Variants in RESP18 observed in about 807,000 individuals in gnomAD.
RESP18 encodes regulated endocrine specific protein 18, also known as regulated endocrine-specific protein 18.
RESP18 carries 30 observed loss-of-function variants against 30.0 expected under a neutral mutation model. The observed-to-expected ratio is 1.00, with a 90% CI of 0.75 to 1.36. The LOEUF is 1.36. RESP18 is among the 40% of genes most tolerant of loss of function. The pLI, the probability that RESP18 is intolerant of heterozygous loss-of-function variation, is 0.00. For missense variants in RESP18, 320 were observed against 284.2 expected (o/e 1.13, Z -0.91); for synonymous variants, 117 against 111.2 (o/e 1.05, Z -0.33).
chr2:219,331,335 A>G (rs1221401272), intron 2 of RESP18, among the ~76,000 whole-genome samples: 1 of 151,990 alleles, frequency 6.6e-6, no homozygotes, highest in African/African-American at 2.4e-5. Context: ...TGAAGCCCAC[A>G]GTTTGCCCAA....
chr2:219,328,933 TATAG>T lies in RESP18; in HGVS notation c.627_630del (p.Tyr210ArgfsTer20), dbSNP rs570027962. On this transcript the variant is annotated frameshift_variant, in exon 6 of 7. Transcript: ENST00000333527. LOFTEE classifies it high-confidence loss of function. ...TAAACTCAATACTTACGCATGATCT[TATAG>T]ATAATTTCTTCCTTAGAGGGTCCCG... The T allele has an allele frequency of 1.0e-4, 155 of 1,548,848 alleles. No homozygotes were observed. In the East Asian group the frequency reaches 1.8e-3, roughly 18 times the overall value.
At chr2:219,333,099 CTATA>C (rs5838736) in intron 1 of RESP18, 119 of 1,144,300 alleles carry the variant, frequency 1.0e-4, no homozygotes, top group East Asian at 1.0e-3. Context: ...GTTCGATCTG[CTATA>C]TATATATATA....
rs140469663 is a variant in RESP18, at chr2:219,330,522, C to T, written c.337+249G>A. 1.3e-3 allele frequency among the ~76,000 whole-genome samples: 191 copies of T among 144,020 alleles called. 2 individuals are homozygous for T. Among genetic ancestry groups the T allele is most frequent in the African/African-American group, 5.3e-3 (182 of 34,498 alleles). 94.5% of individuals were successfully genotyped at this position (144,020 alleles called of 152,430 possible). Reference sequence around the variant, plus strand: ...TAGTCTCAAGGAGTTGGATGCTGGCCGTTTTCAGTTTTGTTTTTTTTTTTC... The same window carrying T: ...TAGTCTCAAGGAGTTGGATGCTGGCTGTTTTCAGTTTTGTTTTTTTTTTTC... On this transcript the variant is annotated intron_variant, in intron 3 of 6. Coordinates refer to ENST00000333527, the MANE Select transcript of RESP18 (RefSeq NM_001007089.4).
Position 219,327,527 on chromosome 2 carries a change from G to T in RESP18, c.677C>A (p.Pro226His). Residue 226 changes from proline to histidine, a missense_variant, in exon 7 of 7, where the codon CCC (proline) becomes CAC (histidine). Physicochemically the swap from Pro to His is moderately conservative, Grantham distance 77 (BLOSUM62 -2). Coordinates refer to ENST00000333527, the MANE Select transcript of RESP18 (RefSeq NM_001007089.4). Reference sequence around the variant, plus strand: ...CACATGAGGTCTCAATCAGCCACAGGGTTGCGGCCCACAGTAGGAAGTGGC... The same window carrying T: ...CACATGAGGTCTCAATCAGCCACAGTGTTGCGGCCCACAGTAGGAAGTGGC... 1 of 1,551,600 alleles carries T rather than the reference G, an allele frequency of 6.4e-7. No individual in the cohort carries two copies. Among genetic ancestry groups the T allele is most frequent in the Non-Finnish European group, 8.7e-7 (1 of 1,146,932 alleles).
At chr2:219,330,698 G>T in intron 3 of RESP18, 73 bp downstream of exon 2, 2 of 923,706 alleles carry the variant, frequency 2.2e-6, no homozygotes, top group Non-Finnish European at 3.3e-6. Context: ...CCTACCCTCA[G>T]GTCGGATAGC....
rs1189320083 is a variant in RESP18 at position 219,329,639 on chromosome 2, CAG to C, written c.461_462del (p.Thr154ArgfsTer20). 7 of 1,551,512 alleles carry C rather than the reference CAG, an allele frequency of 4.5e-6. No homozygotes were observed. The highest frequency in any genetic ancestry group is 2.4e-5 in the East Asian group (1 of 40,922). ...ACCACAGGCCTCATGCACCTCACCTCAGTGGTTTTAGTGGGGAAAAGTGCCTT... is the reference window on the plus strand; with the variant it reads ...ACCACAGGCCTCATGCACCTCACCTCTGGTTTTAGTGGGGAAAAGTGCCTT... On this transcript the variant is annotated frameshift_variant, in exon 4 of 7. Transcript: ENST00000333527. LOFTEE classifies it high-confidence loss of function.
chr2:219,329,172 G>C lies in RESP18; in HGVS notation c.546C>G (p.Asn182Lys), dbSNP rs1246383615. The change falls in exon 5 of 7, where the codon AAC becomes AAG. Residue 182 changes from asparagine (N) to lysine (K), a missense_variant. Coordinates refer to ENST00000333527, the MANE Select transcript of RESP18 (RefSeq NM_001007089.4). Reference sequence around the variant, plus strand: ...AAAGTGAGCCCCTCACCTTGACAGGGTTGGCCACCTCTTGTTTCAGGGCCT... The same window carrying C: ...AAAGTGAGCCCCTCACCTTGACAGGCTTGGCCACCTCTTGTTTCAGGGCCT... 3 of 1,551,390 alleles carry C rather than the reference G, an allele frequency of 1.9e-6. No individual in the cohort carries two copies. Among genetic ancestry groups the C allele is most frequent in the Non-Finnish European group, 2.6e-6 (3 of 1,146,844 alleles).
At chr2:219,332,460 C>CA in intron 2 of RESP18, 64 bp downstream of exon 1, 1 of 1,280,330 alleles carries the variant, frequency 7.8e-7, no homozygotes, top group Non-Finnish European at 1.1e-6. Flanking sequence ...AGGCCCCCTG[C>CA]AGACCCCCAC....
At chr2:219,331,714 C>T (rs1245180443) in intron 2 of RESP18, among the ~76,000 whole-genome samples, 1 of 152,162 alleles carries the variant, frequency 6.6e-6, no homozygotes, top group Non-Finnish European at 1.5e-5. Flanking sequence ...GTGACCCGCT[C>T]GGGCTCGGCG....
rs1182530400 is a variant in RESP18, at chr2:219,327,567, A to C, written c.641-4T>G. On this transcript the variant is annotated splice_polypyrimidine_tract_variant and splice_region_variant and intron_variant, in intron 6 of 6. Transcript: ENST00000333527. ...TAGGAAGTGGCCCAGAGAAGCCCTAAAACAAGAAGAAACAAGGGAGCTAGA... is the reference window on the plus strand; with the variant it reads ...TAGGAAGTGGCCCAGAGAAGCCCTACAACAAGAAGAAACAAGGGAGCTAGA... 1 of 1,551,290 alleles carries C rather than the reference A, an allele frequency of 6.4e-7. No homozygotes were observed. Among genetic ancestry groups the C allele is most frequent in the Non-Finnish European group, 8.7e-7 (1 of 1,146,704 alleles).
chr2:219,328,104 CT>C (rs1952791957), intron 6 of RESP18, among the ~76,000 whole-genome samples: 1 of 152,252 alleles, frequency 6.6e-6, no homozygotes, highest in Admixed American at 6.5e-5. Context: ...TCAGTTTTCA[CT>C]TTTGCTCTCC....
intron 2 of RESP18, chr2:219,331,150 G>A (rs968529273): frequency 6.0e-6 from 2 of 331,506 alleles, no homozygotes; most frequent in African/African-American, 4.3e-5. Context: ...GATGCGCAGA[G>A]GCTCAGAAAG....
chr2:219,332,131 G>A (rs1952837824), intron 2 of RESP18, among the ~76,000 whole-genome samples: 1 of 152,140 alleles, frequency 6.6e-6, no homozygotes, highest in Admixed American at 6.5e-5. Flanking sequence ...ATCACAGCAC[G>A]AGGAAGCCCT....
chr2:219,333,100 T>C, intron 1 of RESP18: 2 of 708,730 alleles, frequency 2.8e-6, no homozygotes, highest in East Asian at 1.5e-4. Context: ...TTCGATCTGC[T>C]ATATATATAT....
At chr2:219,328,595 C>G (rs1952796949) in intron 6 of RESP18, among the ~76,000 whole-genome samples, 1 of 152,184 alleles carries the variant, frequency 6.6e-6, no homozygotes, top group African/African-American at 2.4e-5. Context: ...GCCACAAACC[C>G]ATGGTGTTGC....
At chr2:219,333,093 G>T in intron 1 of RESP18, 1 of 1,214,258 alleles carries the variant, frequency 8.2e-7, no homozygotes, top group South Asian at 2.0e-5. Flanking sequence ...ATATAGGTTC[G>T]ATCTGCTATA....
Position 219,327,498 on chromosome 2 carries a change from G to C in RESP18, c.*19C>G. On this transcript the variant is annotated 3_prime_UTR_variant, in exon 7 of 7. Coordinates refer to ENST00000333527, the MANE Select transcript of RESP18 (RefSeq NM_001007089.4). ...ATGGGAAGGGTGCTGGGGCAGGGAG[G>C]CTTCACATGAGGTCTCAATCAGCCA... 6.4e-7 allele frequency: 1 copy of C among 1,550,548 alleles called. No homozygotes were observed. Among genetic ancestry groups the C allele is most frequent in the Non-Finnish European group, 8.7e-7 (1 of 1,145,988 alleles).
At position 219,332,645 on chromosome 2, in the gene RESP18, G is replaced by A. The variant is rs1465340708; in HGVS notation, c.111C>T (p.Arg37=). The A allele has an allele frequency of 6.4e-6, 10 of 1,551,224 alleles. No individual in the cohort carries two copies. Among genetic ancestry groups the A allele is most frequent in the African/African-American group, 4.1e-5 (3 of 73,028 alleles). ...GGTGCTGTATCCTCCCAGGCTCGGC[G>A]CGCTCACTCCCCGGCCAAGTCTCAG... Residue 37 remains arginine, a synonymous_variant, in exon 2 of 7, where the codon CGC becomes CGT. Transcript: ENST00000333527.
At position 219,328,984 on chromosome 2, in the gene RESP18, C is replaced by T. The variant is rs1014650014; in HGVS notation, c.580G>A (p.Gly194Arg). 6.4e-7 allele frequency: 1 copy of T among 1,551,222 alleles called. No homozygotes were observed. Reference sequence around the variant, plus strand: ...CCCGGCGCCTGCATCATGTCCAGCCCCCCATATGAACACCTATAGGTAATC... The same window carrying T: ...CCCGGCGCCTGCATCATGTCCAGCCTCCCATATGAACACCTATAGGTAATC... The change falls in exon 6 of 7, where the codon GGG becomes AGG. Residue 194 changes from glycine to arginine, a missense_variant. By Grantham distance (125) the Gly-to-Arg change is moderately radical (BLOSUM62 -2). Transcript: ENST00000333527.
Sources: allele counts gnomAD v4.1 joint callset (sites outside exome capture counted in the v4.1 genomes callset), GRCh38; gene constraint gnomAD v4.1.1; transcripts MANE v1.5; gene names NCBI Gene and HGNC (gene_info 2026-07-23, HGNC 2026-07-21).